Variants in NECAB1 observed in about 807,000 individuals in gnomAD.
NECAB1 encodes N-terminal EF-hand calcium-binding protein 1.
NECAB1 carries 29 observed loss-of-function variants against 57.5 expected under a neutral mutation model. The observed-to-expected ratio is 0.50, with a 90% CI of 0.38 to 0.69. The LOEUF (loss-of-function observed/expected upper bound fraction) is 0.69, where lower values mean the gene tolerates loss of function less well. Among genes scored for constraint, NECAB1 ranks in the 30% least tolerant of loss-of-function variants. The pLI, the probability that NECAB1 is intolerant of heterozygous loss-of-function variation, is 0.00. For missense variants in NECAB1, 372 were observed against 413.8 expected, an observed-to-expected ratio of 0.90 and a Z score of 0.88; for synonymous variants, 142 against 147.7, an observed-to-expected ratio of 0.96 and a Z score of 0.28.
At chr8:90,953,836 A>C (rs1810964478) in intron 12 of NECAB1, among the ~76,000 whole-genome samples, 1 of 152,182 alleles carries the variant, frequency 6.6e-6, no homozygotes. Flanking sequence ...TGGGAGGCGA[A>C]GGTGGGCAGA....
At chr8:90,878,289 T>C (rs1808767190) in intron 4 of NECAB1, among the ~76,000 whole-genome samples, 1 of 152,204 alleles carries the variant, frequency 6.6e-6, no homozygotes, top group African/African-American at 2.4e-5. Context: ...TTCACCTTTG[T>C]ATTCCAAGCT....
At chr8:90,820,576 T>G (rs557234798) in intron 2 of NECAB1, among the ~76,000 whole-genome samples, 2 of 151,986 alleles carry the variant, frequency 1.3e-5, no homozygotes, top group African/African-American at 4.8e-5. Context: ...AAAACAGGAT[T>G]AAAATTGCTG....
chr8:90,907,969 T>C (rs902377128), intron 5 of NECAB1, among the ~76,000 whole-genome samples: 1 of 152,214 alleles, frequency 6.6e-6, no homozygotes, highest in African/African-American at 2.4e-5. Context: ...TATTTTAATG[T>C]TCAATTATTC....
chr8:90,920,902 A>T (rs533233204), intron 6 of NECAB1, among the ~76,000 whole-genome samples: 21 of 152,352 alleles, frequency 1.4e-4, no homozygotes, highest in Admixed American at 4.6e-4. Context: ...AAGGAGTGCT[A>T]CACAGGAGCA....
chr8:90,928,388 C>CATAGATAGA (rs1374998061), intron 8 of NECAB1, 89 bp downstream of exon 8: 11 of 911,430 alleles, frequency 1.2e-5, no homozygotes, highest in African/African-American at 6.9e-5. Flanking sequence ...ATGACTGCCC[C>CATAGATAGA]ATAGATAGAA....
intron 5 of NECAB1, among the ~76,000 whole-genome samples, chr8:90,895,636 G>C (rs1418770018): frequency 6.6e-6 from 1 of 152,194 alleles, no homozygotes; most frequent in Non-Finnish European, 1.5e-5. Context: ...TTTTTCAGCA[G>C]ATAGAAAAAG....
chr8:90,934,935 G>T (rs2130212736), intron 9 of NECAB1, among the ~76,000 whole-genome samples: 1 of 152,240 alleles, frequency 6.6e-6, no homozygotes, highest in East Asian at 1.9e-4. Flanking sequence ...ACAAAAAGAA[G>T]TTAGCAAATA....
chr8:90,947,303 T>TACACACACACACAC (rs71771328), intron 10 of NECAB1, among the ~76,000 whole-genome samples: 9 of 78,300 alleles, frequency 1.1e-4, no homozygotes, highest in Admixed American at 1.5e-4. Flanking sequence ...TAACAACACA[T>TACACACACACACAC]ACACACACAC....
Position 90,886,087 on chromosome 8 carries a change from T to C in NECAB1, c.357+4957T>C, listed in dbSNP as rs1808979424. On this transcript the variant is annotated intron_variant, in intron 5 of 12. Transcript: ENST00000417640. ...TATTTTTTATCATAGTTTGTTGTCATTAGAGAAATGAAATTTAATTAGAAA... is the reference window on the plus strand; with the variant it reads ...TATTTTTTATCATAGTTTGTTGTCACTAGAGAAATGAAATTTAATTAGAAA... 2.0e-5 allele frequency among the ~76,000 whole-genome samples: 3 copies of C among 152,172 alleles called. No homozygotes were observed. In the South Asian group the frequency reaches 6.2e-4, roughly 32 times the overall value.
intron 5 of NECAB1, among the ~76,000 whole-genome samples, chr8:90,885,080 G>GA (rs1808943465): frequency 6.6e-6 from 1 of 152,220 alleles, no homozygotes. Flanking sequence ...GGAGGAGATA[G>GA]AACTGAGATG....
chr8:90,938,176 T>C (rs541611377), intron 9 of NECAB1, among the ~76,000 whole-genome samples: 2 of 152,292 alleles, frequency 1.3e-5, no homozygotes, highest in African/African-American at 4.8e-5. Flanking sequence ...CACTGGCAAA[T>C]ACTATCCTGT....
chr8:90,857,996 G>A (rs541724005), intron 3 of NECAB1, among the ~76,000 whole-genome samples: 45 of 152,120 alleles, frequency 3.0e-4, no homozygotes, highest in African/African-American at 1.1e-3. Context: ...GTTATAGAAA[G>A]TCTTCTGAAA....
intron 3 of NECAB1, among the ~76,000 whole-genome samples, chr8:90,869,953 G>A (rs551867003): frequency 4.5e-4 from 69 of 152,252 alleles, no homozygotes; most frequent in African/African-American, 1.3e-3. Context: ...TGTTGGGGAG[G>A]TACCTGGTGG....
rs531601829 is a variant in NECAB1, at chr8:90,872,045, C to T, written c.234-83C>T. 15 of 1,048,412 alleles carry T rather than the reference C, an allele frequency of 1.4e-5. No homozygotes were observed. The African/African-American group carries it at 2.3e-4, about 16-fold the overall frequency. 64.9% of individuals were successfully genotyped at this position (1,048,412 alleles called of 1,614,324 possible). A position where few individuals can be genotyped will look rare whatever the true frequency, so the allele number is the denominator to read the frequency against. On this transcript the variant is annotated intron_variant, in intron 3 of 12. Transcript: ENST00000417640. ...ATCAATTAATAATATAGCTTGGAGA[C>T]TAACTGTATTTAACTATTTAAAAAC...
chr8:90,800,040 C>T (rs1811735598), intron 1 of NECAB1, among the ~76,000 whole-genome samples: 1 of 152,088 alleles, frequency 6.6e-6, no homozygotes, highest in Non-Finnish European at 1.5e-5. Flanking sequence ...TAAATGTATT[C>T]CTAGGTATTT....
At chr8:90,895,743 C>T (rs1275958057) in intron 5 of NECAB1, among the ~76,000 whole-genome samples, 1 of 152,242 alleles carries the variant, frequency 6.6e-6, no homozygotes, top group African/African-American at 2.4e-5. Flanking sequence ...AGATTTGTGG[C>T]CTCTTCAAAG....
chr8:90,877,817 T>A (rs781139632), intron 4 of NECAB1, among the ~76,000 whole-genome samples: 2 of 152,188 alleles, frequency 1.3e-5, no homozygotes, highest in Non-Finnish European at 2.9e-5. Flanking sequence ...TTTGTTTCCT[T>A]GCTGCCTCCC....
intron 5 of NECAB1, among the ~76,000 whole-genome samples, chr8:90,888,340 C>G (rs1027041776): frequency 9.9e-5 from 15 of 152,138 alleles, no homozygotes; most frequent in African/African-American, 3.4e-4. Flanking sequence ...GAACATACAG[C>G]CCCATTTCTG....
chr8:90,797,146 C>T (rs1436332307), intron 1 of NECAB1, among the ~76,000 whole-genome samples: 1 of 152,198 alleles, frequency 6.6e-6, no homozygotes, highest in Non-Finnish European at 1.5e-5. Flanking sequence ...TCCTCAAAAT[C>T]CCCTCTAGCA....
Sources: allele counts gnomAD v4.1 joint callset (sites outside exome capture counted in the v4.1 genomes callset), GRCh38; gene constraint gnomAD v4.1.1; transcripts MANE v1.5; gene names NCBI Gene and HGNC (gene_info 2026-07-23, HGNC 2026-07-21).